The following CNTN6 variants were observed in gnomAD, a reference collection of about 807,000 sequenced individuals.
CNTN6 encodes contactin-6.
In CNTN6, 137 loss-of-function variants were observed where a neutral mutation model predicts 122.8. The observed-to-expected ratio is 1.12, with a 90% CI of 0.97 to 1.29. The LOEUF (loss-of-function observed/expected upper bound fraction) is 1.29. Among genes scored for constraint, CNTN6 ranks in the 50% most tolerant of loss-of-function variants. CNTN6 has a pLI of 0.00. For synonymous variants in CNTN6, 570 were observed against 426.0 expected (o/e 1.34, Z -4.16); for missense variants, 1,634 against 1,223.4 (o/e 1.34, Z -5.01).
chr3:1,319,902 A>G (rs528880582), intron 7 of CNTN6, among the ~76,000 whole-genome samples: 5 of 149,300 alleles, frequency 3.3e-5, no homozygotes, highest in African/African-American at 5.0e-5. Context: ...AACTACCCAT[A>G]GATAAAAACT....
intron 4 of CNTN6, among the ~76,000 whole-genome samples, chr3:1,246,473 A>G: frequency 6.6e-6 from 1 of 152,152 alleles, no homozygotes; most frequent in East Asian, 1.9e-4. Flanking sequence ...ATTATTTCTA[A>G]GTGCATTCTT....
intron 2 of CNTN6, among the ~76,000 whole-genome samples, chr3:1,189,746 C>T (rs956585516): frequency 2.6e-5 from 4 of 152,102 alleles, no homozygotes; most frequent in Non-Finnish European, 5.9e-5. Flanking sequence ...GGAAAGAATC[C>T]TGTGATTGAA....
intron 1 of CNTN6, among the ~76,000 whole-genome samples, chr3:1,140,056 A>G (rs776724917): frequency 6.6e-6 from 1 of 152,210 alleles, no homozygotes; most frequent in Non-Finnish European, 1.5e-5. Flanking sequence ...TCCTTCTGAG[A>G]AAGTATTACA....
intron 4 of CNTN6, among the ~76,000 whole-genome samples, chr3:1,230,571 A>T (rs2094341049): frequency 6.6e-6 from 1 of 152,214 alleles, no homozygotes; most frequent in Non-Finnish European, 1.5e-5. Context: ...TTTTCATGTC[A>T]AATATAATAC....
intron 2 of CNTN6, among the ~76,000 whole-genome samples, chr3:1,210,654 A>G (rs1166049636): frequency 6.6e-6 from 1 of 152,132 alleles, no homozygotes; most frequent in African/African-American, 2.4e-5. Context: ...TTGGAGTCAA[A>G]CCTGGATTTG....
intron 22 of CNTN6, among the ~76,000 whole-genome samples, chr3:1,403,069 G>T (rs1330616609): frequency 6.6e-6 from 1 of 152,054 alleles, no homozygotes; most frequent in African/African-American, 2.4e-5. Context: ...ATCCAATGTT[G>T]GCCAATCCTT....
intron 2 of CNTN6, among the ~76,000 whole-genome samples, chr3:1,156,306 A>C: frequency 6.6e-6 from 1 of 152,186 alleles, no homozygotes; most frequent in Non-Finnish European, 1.5e-5. Flanking sequence ...TTTTCTCCTG[A>C]AACCTTGATT....
chr3:1,382,590 T>G (rs1191856452), intron 17 of CNTN6, among the ~76,000 whole-genome samples: 1 of 146,408 alleles, frequency 6.8e-6, no homozygotes, highest in Non-Finnish European at 1.5e-5. Context: ...GTTAAGAAGT[T>G]AATTTGTGCT....
chr3:1,317,888 T>TAAA (rs76953561), intron 7 of CNTN6, among the ~76,000 whole-genome samples: 1,646 of 130,720 alleles, frequency 0.013, 28 homozygotes, highest in African/African-American at 0.041. Context: ...AAATGCAGGT[T>TAAA]AAAAAAAAAA....
At chr3:1,209,608 A>G (rs1203790695) in intron 2 of CNTN6, among the ~76,000 whole-genome samples, 1 of 152,210 alleles carries the variant, frequency 6.6e-6, no homozygotes, top group Non-Finnish European at 1.5e-5. Context: ...TTATTATCAA[A>G]TGATTATTAC....
chr3:1,284,928 TGAG>T (rs1694082735), intron 5 of CNTN6, among the ~76,000 whole-genome samples: 1 of 152,054 alleles, frequency 6.6e-6, no homozygotes, highest in Non-Finnish European at 1.5e-5. Flanking sequence ...GGAGAGTAAA[TGAG>T]GACACACAGC....
chr3:1,101,909 T>G (rs936354664), intron 1 of CNTN6, among the ~76,000 whole-genome samples: 2 of 152,220 alleles, frequency 1.3e-5, no homozygotes, highest in African/African-American at 4.8e-5. Flanking sequence ...AAAAACTTTG[T>G]TAGCACAGCA....
chr3:1,289,331 G>A (rs1694892655), intron 5 of CNTN6, among the ~76,000 whole-genome samples: 1 of 152,148 alleles, frequency 6.6e-6, no homozygotes, highest in Non-Finnish European at 1.5e-5. Context: ...GGCAGGGTGA[G>A]AAATACTATG....
intron 1 of CNTN6, among the ~76,000 whole-genome samples, chr3:1,134,046 A>C (rs2092408142): frequency 6.6e-6 from 1 of 152,122 alleles, no homozygotes; most frequent in Non-Finnish European, 1.5e-5. Context: ...CCAGGTAGCT[A>C]ACAATAATAC....
chr3:1,316,721 G>A (rs957763784), intron 7 of CNTN6, among the ~76,000 whole-genome samples: 8 of 150,294 alleles, frequency 5.3e-5, no homozygotes, highest in Middle Eastern at 3.2e-3. Context: ...AAACCTTATT[G>A]TAATTGTTAT....
chr3:1,095,244 G>A (rs552132665), intron 1 of CNTN6, among the ~76,000 whole-genome samples: 2 of 152,092 alleles, frequency 1.3e-5, no homozygotes, highest in Non-Finnish European at 2.9e-5. Context: ...AGGCCGAGGC[G>A]GGCGGATCAC....
At chr3:1,269,292 T>C (rs2094982496) in intron 4 of CNTN6, among the ~76,000 whole-genome samples, 1 of 152,196 alleles carries the variant, frequency 6.6e-6, no homozygotes, top group East Asian at 1.9e-4. Flanking sequence ...TAAACTTGCA[T>C]TTTTGATCAT....
chr3:1,152,581 C>T (rs538104487), intron 2 of CNTN6, among the ~76,000 whole-genome samples: 8 of 152,188 alleles, frequency 5.3e-5, no homozygotes, highest in South Asian at 2.1e-4. Flanking sequence ...TTAACTGTCA[C>T]ATTTTCCCAC....
At chr3:1,392,083 A>G (rs1694236812) in intron 20 of CNTN6, among the ~76,000 whole-genome samples, 1 of 152,332 alleles carries the variant, frequency 6.6e-6, no homozygotes, top group African/African-American at 2.4e-5. Flanking sequence ...ACCAAAAAAG[A>G]GCCCGCATCG....
Sources: allele counts gnomAD v4.1 joint callset (sites outside exome capture counted in the v4.1 genomes callset), GRCh38; gene constraint gnomAD v4.1.1; transcripts MANE v1.5; gene names NCBI Gene and HGNC (gene_info 2026-07-23, HGNC 2026-07-21).